SIN3A: variants seen among roughly 807,000 people sequenced by gnomAD.
SIN3A encodes the protein SIN3 transcription regulator family member A.
SIN3A carries 14 observed loss-of-function variants against 146.1 expected under a neutral mutation model. The ratio of observed to expected loss-of-function variants is 0.10; its 90% CI spans 0.06 to 0.15. The LOEUF is 0.15. SIN3A is among the 10% of genes least tolerant of loss of function. SIN3A has a pLI of 1.00. For synonymous variants in SIN3A, 572 were observed against 572.0 expected, an observed-to-expected ratio of 1.00 and a Z score of 0.00; for missense variants, 1,028 against 1,576.0, an observed-to-expected ratio of 0.65 and a Z score of 5.89.
In SIN3A at chr15:75,430,045, G is replaced by C. The variant is rs2073988854; in HGVS notation, c.189+142C>G. On this transcript the variant is annotated intron_variant, in intron 2 of 20. Coordinates refer to ENST00000394947, the MANE Select transcript of SIN3A (RefSeq NM_001145358.2). ...TTCTTTTTTTAAAAACTTGTATGGT[G>C]AGTACACAGTTATTTTTTTTTTTAC... The C allele has an allele frequency of 2.8e-5, 18 of 652,416 alleles. No individual in the cohort carries two copies. The South Asian group carries it at 3.4e-4, about 12-fold the overall frequency. The allele number at this position is 652,416 out of a possible 1,614,324, so 40.4% of individuals were successfully genotyped here. A position where few individuals can be genotyped will look rare whatever the true frequency, so the allele number is the denominator to read the frequency against.
At chr15:75,373,503 G>A (rs150033396) in intron 20 of SIN3A, among the ~76,000 whole-genome samples, 6 of 152,184 alleles carry the variant, frequency 3.9e-5, no homozygotes, top group Non-Finnish European at 7.4e-5. Flanking sequence ...TACTCAACAA[G>A]ATGAGAATAA....
At chr15:75,402,172 G>A (rs1012990524) in intron 9 of SIN3A, among the ~76,000 whole-genome samples, 5 of 151,902 alleles carry the variant, frequency 3.3e-5, no homozygotes, top group Non-Finnish European at 7.4e-5. Context: ...TTGCAGAGAC[G>A]AGGTCATATA....
Position 75,414,223 on chromosome 15 carries a change from T to C in SIN3A, c.455A>G (p.Lys152Arg). ...QVYNDFLDIM[K>R]EFKSQSIDTP... ...CTTTTACCTCTGAGATTTAAATTCC[T>C]TCATGATGTCAAGGAAATCATTGTA... Residue 152 changes from lysine (K) to arginine (R), a missense_variant, in exon 4 of 21, where the codon AAG (lysine) becomes AGG (arginine). Lys to Arg is a conservative substitution (Grantham distance 26). Coordinates refer to ENST00000394947, the MANE Select transcript of SIN3A (RefSeq NM_001145358.2). 6.5e-7 allele frequency: 1 copy of C among 1,526,918 alleles called. No homozygotes were observed. Among genetic ancestry groups the C allele is most frequent in the South Asian group, 1.3e-5 (1 of 75,512 alleles). The allele number at this position is 1,526,918 out of a possible 1,614,324, so 94.6% of individuals were successfully genotyped here. A position where few individuals can be genotyped will look rare whatever the true frequency, so the allele number is the denominator to read the frequency against.
chr15:75,440,006 C>G (rs1158762099), intron 1 of SIN3A, among the ~76,000 whole-genome samples: 1 of 151,468 alleles, frequency 6.6e-6, no homozygotes, highest in Non-Finnish European at 1.5e-5. Flanking sequence ...CAAAAATTAG[C>G]TGGGCGTGGT....
chr15:75,420,434 G>C (rs115740690), intron 3 of SIN3A: 2 of 151,788 alleles, frequency 1.3e-5, no homozygotes, highest in African/African-American at 4.8e-5. Flanking sequence ...GCCCAGACTC[G>C]AGTGCAGTGG....
chr15:75,372,158 C>G lies in SIN3A; in HGVS notation c.3643G>C (p.Asp1215His), dbSNP rs757810589. The part of the protein sequence containing the change: ...RLHQRFQAWV[D>H]KWTKEHVPRE... ...GGCACATGCTCCTTGGTCCATTTATCTACCCAGGCCTGGAATCTCTGATGT... is the reference window on the plus strand; with the variant it reads ...GGCACATGCTCCTTGGTCCATTTATGTACCCAGGCCTGGAATCTCTGATGT... Residue 1215 changes from aspartate to histidine, a missense_variant, in exon 21 of 21, where the codon GAT becomes CAT. Coordinates refer to ENST00000394947, the MANE Select transcript of SIN3A (RefSeq NM_001145358.2). The G allele has an allele frequency of 1.9e-6, 3 of 1,614,104 alleles. No individual in the cohort carries two copies. In the Admixed American group the frequency reaches 5.0e-5, roughly 27 times the overall value.
At chr15:75,406,423 C>T (rs998250192) in intron 9 of SIN3A, among the ~76,000 whole-genome samples, 1 of 152,216 alleles carries the variant, frequency 6.6e-6, no homozygotes, top group African/African-American at 2.4e-5. Context: ...CGCGGTGGCT[C>T]ACGCCTGTAA....
intron 15 of SIN3A, 72 bp downstream of exon 15, chr15:75,392,170 G>C: frequency 7.5e-7 from 1 of 1,335,538 alleles, no homozygotes; most frequent in Non-Finnish European, 1.0e-6. Flanking sequence ...AAAAGAAGCA[G>C]TCCCAAGTCT....
At position 75,439,426 on chromosome 15, in the gene SIN3A, C is replaced by T. The variant is rs186746380; in HGVS notation, c.-33-9018G>A. Among the ~76,000 whole-genome samples, 86 of 152,132 alleles carry T rather than the reference C, an allele frequency of 5.7e-4. 1 individual carries two copies. Among genetic ancestry groups the T allele is most frequent in the Middle Eastern group, 3.4e-3 (1 of 294 alleles). ...CGTGATCTTGGCTCACTGCAAGCTC[C>T]GCCTCCCAGGTTCATGCCATTCTTC... On this transcript the variant is annotated intron_variant, in intron 1 of 20. Transcript: ENST00000394947.
At chr15:75,441,977 G>A (rs917707980) in intron 1 of SIN3A, among the ~76,000 whole-genome samples, 21 of 151,288 alleles carry the variant, frequency 1.4e-4, no homozygotes, top group Admixed American at 6.6e-4. Context: ...AAAATTAGCT[G>A]GGTGCAGTGG....
intron 14 of SIN3A, among the ~76,000 whole-genome samples, chr15:75,393,518 G>C (rs2073247816): frequency 6.6e-6 from 1 of 152,000 alleles, no homozygotes; most frequent in South Asian, 2.1e-4. Flanking sequence ...CTGGGATTAA[G>C]AAGTGCACCA....
At chr15:75,378,957 G>A (rs924471151) in intron 19 of SIN3A, among the ~76,000 whole-genome samples, 8 of 151,466 alleles carry the variant, frequency 5.3e-5, no homozygotes, top group Admixed American at 3.3e-4. Flanking sequence ...CTGGAGTGCC[G>A]TGGTGCGATC....
At chr15:75,439,683 C>G (rs1254856192) in intron 1 of SIN3A, among the ~76,000 whole-genome samples, 1 of 151,882 alleles carries the variant, frequency 6.6e-6, no homozygotes, top group Non-Finnish European at 1.5e-5. Context: ...CACCTTTAAC[C>G]CGCATTATAC....
intron 4 of SIN3A, 49 bp from the exon 5 acceptor site, chr15:75,413,094 C>A: frequency 6.6e-7 from 1 of 1,522,312 alleles, no homozygotes; most frequent in Non-Finnish European, 8.8e-7. Flanking sequence ...TTAACAAACA[C>A]CCTGTTAAGA....
Position 75,430,108 on chromosome 15 carries a change from T to G in SIN3A, c.189+79A>C, listed in dbSNP as rs1330457474. On this transcript the variant is annotated intron_variant, in intron 2 of 20. Coordinates refer to ENST00000394947, the MANE Select transcript of SIN3A (RefSeq NM_001145358.2). ...CAACAATTTTTAATATCTAACACAG[T>G]ATTAAAAAAAGTTTTATAATTGCCT... 3.8e-6 allele frequency: 4 copies of G among 1,060,352 alleles called. No homozygotes were observed. In the African/African-American group the frequency reaches 4.8e-5, roughly 13 times the overall value. 65.7% of individuals were successfully genotyped at this position (1,060,352 alleles called of 1,614,324 possible).
chr15:75,441,937 G>A (rs868668382), intron 1 of SIN3A, among the ~76,000 whole-genome samples: 17 of 151,412 alleles, frequency 1.1e-4, no homozygotes, highest in South Asian at 6.3e-4. Flanking sequence ...TGGCTAAAAC[G>A]GTGAAACCCC....
chr15:75,448,492 T>TC (rs2074347244), intron 1 of SIN3A, among the ~76,000 whole-genome samples: 1 of 119,050 alleles, frequency 8.4e-6, no homozygotes, highest in African/African-American at 3.0e-5. Context: ...GGACTCCATC[T>TC]CAAAAAAAAA....
chr15:75,422,920 T>C lies in SIN3A; in HGVS notation c.190-97A>G, dbSNP rs189753329. ...AACACAAATGCACAAAGATAATTAA[T>C]TGGAAACCCAAATTTCTGCTGGGCG... is the stretch of plus-strand genomic sequence containing the variant. On this transcript the variant is annotated intron_variant, in intron 2 of 20. Coordinates refer to ENST00000394947, the MANE Select transcript of SIN3A (RefSeq NM_001145358.2). 72 of 1,295,738 alleles carry C rather than the reference T, an allele frequency of 5.6e-5. No homozygotes were observed. In the East Asian group the frequency reaches 6.7e-4, roughly 12 times the overall value. The allele number at this position is 1,295,738 out of a possible 1,614,324, so 80.3% of individuals were successfully genotyped here. A position where few individuals can be genotyped will look rare whatever the true frequency, so the allele number is the denominator to read the frequency against.
At chr15:75,409,778 AC>A in intron 8 of SIN3A, 57 bp downstream of exon 8, 2 of 1,560,878 alleles carry the variant, frequency 1.3e-6, no homozygotes, top group Non-Finnish European at 1.8e-6. Flanking sequence ...CCTCTAGAGT[AC>A]CTCTCCATTA....
Sources: gnomAD v4.1 joint callset for allele counts (sites outside exome capture counted in the v4.1 genomes callset) on GRCh38, gnomAD v4.1.1 for gene constraint, MANE v1.5 for transcripts, NCBI Gene and HGNC (gene_info 2026-07-23, HGNC 2026-07-21) for gene names.